Variants in GFM1 observed in about 807,000 individuals in gnomAD.
GFM1 encodes elongation factor G, mitochondrial.
In GFM1, 62 loss-of-function variants were observed where a neutral mutation model predicts 96.2. The observed-to-expected ratio is 0.64, with a 90% confidence interval of 0.53 to 0.80. The LOEUF (loss-of-function observed/expected upper bound fraction) is 0.80. Among genes scored for constraint, GFM1 ranks in the 30% least tolerant of loss-of-function variants. The pLI is 0.00. For missense variants in GFM1, 852 were observed against 916.6 expected, an observed-to-expected ratio of 0.93 and a Z score of 0.91; for synonymous variants, 282 against 312.9, an observed-to-expected ratio of 0.90 and a Z score of 1.04.
At chr3:158,667,070 C>T (rs1376821275) in intron 13 of GFM1, 1 of 1,581,884 alleles carries the variant, frequency 6.3e-7, no homozygotes, top group African/African-American at 1.4e-5. Context: ...GTCATCATTT[C>T]TTTGCTATGA....
At position 158,694,582 on chromosome 3, in the gene GFM1, G is replaced by C. The variant is rs1726484057; in HGVS notation, c.*3115G>C. Reference sequence around the variant, plus strand: ...CTGCACATCAACCCCTGAACTTAAAGAGATGGGGTCTCGCTGTGTTTCCCA... The same window carrying C: ...CTGCACATCAACCCCTGAACTTAAACAGATGGGGTCTCGCTGTGTTTCCCA... On this transcript the variant is annotated 3_prime_UTR_variant, in exon 18 of 18. Transcript: ENST00000486715. Among the ~76,000 whole-genome samples the C allele has an allele frequency of 6.6e-6, 1 of 152,158 alleles. No homozygotes were observed. Among genetic ancestry groups the C allele is most frequent in the South Asian group, 2.1e-4 (1 of 4,830 alleles).
chr3:158,670,950 A>T (rs1469768409), intron 13 of GFM1: 2 of 1,500,514 alleles, frequency 1.3e-6, no homozygotes, highest in East Asian at 2.5e-5. Context: ...AAAGAAATTT[A>T]ACTTACTTTT....
chr3:158,651,353 A>G (rs1347873794), intron 5 of GFM1, among the ~76,000 whole-genome samples: 4 of 152,308 alleles, frequency 2.6e-5, no homozygotes, highest in Admixed American at 6.5e-5. Context: ...TACAATTTCA[A>G]AGAACTCAGA....
At chr3:158,676,363 A>G (rs935492975) in intron 13 of GFM1, among the ~76,000 whole-genome samples, 9 of 152,216 alleles carry the variant, frequency 5.9e-5, no homozygotes, top group African/African-American at 1.4e-4. Context: ...AGTGGTGATT[A>G]ATAAGAATAA....
At chr3:158,671,202 G>T (rs1242809755) in intron 13 of GFM1, among the ~76,000 whole-genome samples, 1 of 152,152 alleles carries the variant, frequency 6.6e-6, no homozygotes, top group East Asian at 1.9e-4. Context: ...CCCCTATCAA[G>T]TTTATTTTGG....
At chr3:158,676,280 A>T (rs1724889234) in intron 13 of GFM1, among the ~76,000 whole-genome samples, 1 of 152,008 alleles carries the variant, frequency 6.6e-6, no homozygotes, top group Non-Finnish European at 1.5e-5. Context: ...AAAAAATTTT[A>T]GCTTGACATT....
chr3:158,665,354 T>G lies in GFM1; in HGVS notation c.1398T>G (p.Phe466Leu), dbSNP rs1283691595. The G allele has an allele frequency of 6.2e-7, 1 of 1,610,780 alleles. No individual in the cohort carries two copies. Among genetic ancestry groups the G allele is most frequent in the Admixed American group, 1.7e-5 (1 of 59,986 alleles). ...TTTTAAAGAACGATCTGGAAAAATT[T>G]TCAAAAGGTATTGGCAGGTTTACAA... Reference protein sequence around the residue: ...KPSNKNDLEKFSKGIGRFTRE... With the variant: ...KPSNKNDLEKLSKGIGRFTRE... The change falls in exon 12 of 18, where the codon TTT becomes TTG. Residue 466 changes from phenylalanine to leucine, a missense_variant. Physicochemically the swap from Phe to Leu is conservative, Grantham distance 22 (BLOSUM62 0). Transcript: ENST00000486715.
chr3:158,646,307 A>G lies in GFM1; in HGVS notation c.367+10A>G. On this transcript the variant is annotated intron_variant, in intron 3 of 17. Transcript: ENST00000486715. ...ATTATAGATACTCCTGGTGAGTTGG[A>G]TTCTTGGTTTTATTGCAGCTTCTTT... is the stretch of plus-strand genomic sequence containing the variant. 1 of 1,613,910 alleles carries G rather than the reference A, an allele frequency of 6.2e-7. No individual in the cohort carries two copies. Among genetic ancestry groups the G allele is most frequent in the South Asian group, 1.1e-5 (1 of 91,064 alleles).
chr3:158,680,274 T>C (rs930528367), intron 13 of GFM1, among the ~76,000 whole-genome samples: 2 of 151,892 alleles, frequency 1.3e-5, no homozygotes, highest in Non-Finnish European at 2.9e-5. Context: ...TTGTACCCAA[T>C]AGGTGAGTTC....
At chr3:158,676,053 G>A (rs1460100354) in intron 13 of GFM1, among the ~76,000 whole-genome samples, 1 of 152,092 alleles carries the variant, frequency 6.6e-6, no homozygotes, top group East Asian at 1.9e-4. Flanking sequence ...TGGGAAGATC[G>A]CTTGGGCCCA....
chr3:158,695,247 G>C lies in GFM1; in HGVS notation c.*3780G>C, dbSNP rs1356378545. On this transcript the variant is annotated 3_prime_UTR_variant, in exon 18 of 18. Coordinates refer to ENST00000486715, the MANE Select transcript of GFM1 (RefSeq NM_024996.7). ...AAATCGTCCGGGCGGGGTGGCTCAC[G>C]CCTGTAGCCCCAGCTGCTCAGGAGG... 1 of 152,174 alleles carries C rather than the reference G, an allele frequency of 6.6e-6. No individual in the cohort carries two copies. The highest frequency in any genetic ancestry group is 1.5e-5 in the Non-Finnish European group (1 of 68,082). 9.4% of individuals were successfully genotyped at this position (152,174 alleles called of 1,614,324 possible).
intron 5 of GFM1, 133 bp from the exon 6 acceptor site, chr3:158,651,963 C>T (rs1576731598): frequency 1.4e-6 from 1 of 725,114 alleles, no homozygotes; most frequent in Non-Finnish European, 2.4e-6. Context: ...GTCTTATTTG[C>T]CATTTGAATG....
intron 4 of GFM1, among the ~76,000 whole-genome samples, chr3:158,647,733 TA>T (rs1479455395): frequency 6.6e-6 from 1 of 152,238 alleles, no homozygotes; most frequent in Non-Finnish European, 1.5e-5. Context: ...TTTTAGTTTT[TA>T]TCCTTATTTT....
intron 10 of GFM1, among the ~76,000 whole-genome samples, chr3:158,661,440 G>A (rs1303296254): frequency 6.6e-6 from 1 of 152,174 alleles, no homozygotes; most frequent in Non-Finnish European, 1.5e-5. Flanking sequence ...GTAACATTTA[G>A]ACTAGACTTG....
At position 158,695,059 on chromosome 3, in the gene GFM1, A is replaced by G. The variant is rs1372653187; in HGVS notation, c.*3592A>G. On this transcript the variant is annotated 3_prime_UTR_variant, in exon 18 of 18. Coordinates refer to ENST00000486715, the MANE Select transcript of GFM1 (RefSeq NM_024996.7). ...CAATGTTGGTAAAATTAAGTTAACA[A>G]TTTTAGAGTTTGTGCTAGAAAAGAT... Among the ~76,000 whole-genome samples the G allele has an allele frequency of 6.6e-6, 1 of 152,200 alleles. No homozygotes were observed. Among genetic ancestry groups the G allele is most frequent in the Non-Finnish European group, 1.5e-5 (1 of 68,022 alleles).
intron 9 of GFM1, among the ~76,000 whole-genome samples, chr3:158,659,992 A>G (rs1723069965): frequency 6.6e-6 from 1 of 152,200 alleles, no homozygotes. Context: ...GTTGTGAATG[A>G]ACTGTCAATG....
At chr3:158,663,824 G>T (rs1016355327) in intron 11 of GFM1, among the ~76,000 whole-genome samples, 1 of 152,122 alleles carries the variant, frequency 6.6e-6, no homozygotes, top group African/African-American at 2.4e-5. Flanking sequence ...TGTTGTTTTG[G>T]GGTTGTGTAT....
chr3:158,644,789 G>A, intron 1 of GFM1, 74 bp downstream of exon 1: 2 of 1,284,496 alleles, frequency 1.6e-6, no homozygotes, highest in African/African-American at 1.5e-5. Context: ...ATGGAAGGCC[G>A]TGACACCCCC....
intron 3 of GFM1, 95 bp downstream of exon 3, chr3:158,646,392 T>A: frequency 7.9e-7 from 1 of 1,268,804 alleles, no homozygotes; most frequent in East Asian, 2.3e-5. Flanking sequence ...GATTGTCAAA[T>A]ACTCAAAAGT....
Sources: gnomAD v4.1 joint callset for allele counts (sites outside exome capture counted in the v4.1 genomes callset) on GRCh38, gnomAD v4.1.1 for gene constraint, MANE v1.5 for transcripts, NCBI Gene and HGNC (gene_info 2026-07-23, HGNC 2026-07-21) for gene names.